FAM13A: variants seen among roughly 807,000 people sequenced by gnomAD.
The protein encoded by FAM13A is protein FAM13A.
Under a neutral mutation model 129.6 loss-of-function variants are expected in FAM13A, and 76 were observed. The observed-to-expected ratio is 0.59, with a 90% CI of 0.49 to 0.71. The LOEUF (loss-of-function observed/expected upper bound fraction) is 0.71. Among genes scored for constraint, FAM13A ranks in the 30% least tolerant of loss-of-function variants. The pLI is 0.00. For synonymous variants in FAM13A, 443 were observed against 449.9 expected, an observed-to-expected ratio of 0.98 and a Z score of 0.20; for missense variants, 1,108 against 1,249.3, an observed-to-expected ratio of 0.89 and a Z score of 1.70.
intron 4 of FAM13A, among the ~76,000 whole-genome samples, chr4:88,972,025 C>T (rs552016954): frequency 1.3e-5 from 2 of 152,154 alleles, no homozygotes; most frequent in East Asian, 1.9e-4. Flanking sequence ...GTCATTTATA[C>T]GTGAGCATAC....
intron 1 of FAM13A, among the ~76,000 whole-genome samples, chr4:89,038,214 A>G (rs1769649349): frequency 6.6e-6 from 1 of 152,344 alleles, no homozygotes; most frequent in South Asian, 2.1e-4. Flanking sequence ...ACTGAAATCA[A>G]TGGCCTGTAT....
chr4:88,809,880 TTC>T (rs1729322831), intron 7 of FAM13A, among the ~76,000 whole-genome samples: 1 of 151,644 alleles, frequency 6.6e-6, no homozygotes. Context: ...TTTTTTTTTT[TTC>T]CTGGAAAACA....
intron 4 of FAM13A, among the ~76,000 whole-genome samples, chr4:88,940,679 G>T (rs1211581356): frequency 6.6e-6 from 1 of 152,190 alleles, no homozygotes; most frequent in Non-Finnish European, 1.5e-5. Context: ...ATCAAAAGCT[G>T]GTTTTATGCA....
intron 14 of FAM13A, among the ~76,000 whole-genome samples, chr4:88,755,873 T>C (rs1743509977): frequency 6.6e-6 from 1 of 152,258 alleles, no homozygotes; most frequent in African/African-American, 2.4e-5. Context: ...GGTTTTGAAC[T>C]CCTGGGCTGA....
chr4:88,849,413 A>G (rs544040257), intron 7 of FAM13A, among the ~76,000 whole-genome samples: 3 of 152,130 alleles, frequency 2.0e-5, no homozygotes, highest in Admixed American at 6.5e-5. Context: ...GCTTCGTATT[A>G]CCTCTGGGAT....
chr4:89,048,422 C>T lies in FAM13A; in HGVS notation c.27+8516G>A, dbSNP rs373022127. ...ATATCAAATGTCCTGAAAAGGCAAA[C>T]GTATAGTGACATAAAGCAAATTAGT... On this transcript the variant is annotated intron_variant, in intron 1 of 23. Transcript: ENST00000264344. Among the ~76,000 whole-genome samples, 28 of 152,048 alleles carry T rather than the reference C, an allele frequency of 1.8e-4. No individual in the cohort carries two copies. The South Asian group carries it at 2.7e-3, about 15-fold the overall frequency.
intron 7 of FAM13A, among the ~76,000 whole-genome samples, chr4:88,808,348 G>C (rs988854131): frequency 1.3e-5 from 2 of 152,026 alleles, no homozygotes; most frequent in African/African-American, 4.8e-5. Flanking sequence ...GCACAAACCA[G>C]AATGCACATT....
intron 6 of FAM13A, among the ~76,000 whole-genome samples, chr4:88,874,117 C>T (rs888875811): frequency 7.2e-5 from 11 of 152,112 alleles, no homozygotes; most frequent in Admixed American, 1.3e-4. Context: ...TCTCAATAAA[C>T]TAGGTACTGA....
intron 7 of FAM13A, 29 bp downstream of exon 7, chr4:88,850,991 G>A (rs774555903): frequency 6.2e-7 from 1 of 1,609,080 alleles, no homozygotes; most frequent in Admixed American, 1.7e-5. Flanking sequence ...ATGCAATATG[G>A]ATTGTGTAGA....
chr4:88,765,059 C>G (rs1745477643), intron 13 of FAM13A, among the ~76,000 whole-genome samples: 1 of 152,206 alleles, frequency 6.6e-6, no homozygotes, highest in Non-Finnish European at 1.5e-5. Context: ...AGGCTGCAAG[C>G]TGATTATTTA....
chr4:88,816,705 A>T (rs1022929368), intron 7 of FAM13A, among the ~76,000 whole-genome samples: 13 of 152,192 alleles, frequency 8.5e-5, no homozygotes, highest in African/African-American at 2.7e-4. Flanking sequence ...TCCCAAATAC[A>T]TGCCATGATC....
chr4:88,823,404 G>T, intron 7 of FAM13A: 1 of 863,414 alleles, frequency 1.2e-6, no homozygotes, highest in Non-Finnish European at 1.4e-6. Flanking sequence ...CTCTCCTCCT[G>T]CTCCTGCTCC....
At chr4:89,034,218 C>T (rs2458545) in intron 1 of FAM13A, among the ~76,000 whole-genome samples, 91,299 of 151,984 alleles carry the variant, frequency 0.6, 28,080 homozygotes, top group Middle Eastern at 0.69. Flanking sequence ...CTATAAGGAA[C>T]TTACACCAGT....
intron 7 of FAM13A, among the ~76,000 whole-genome samples, chr4:88,821,122 C>T (rs929174867): frequency 6.6e-6 from 1 of 152,120 alleles, no homozygotes; most frequent in African/African-American, 2.4e-5. Context: ...AACAATTACA[C>T]GTAAGGGCGG....
intron 2 of FAM13A, among the ~76,000 whole-genome samples, chr4:89,027,469 C>T (rs1246765627): frequency 1.3e-5 from 2 of 151,206 alleles, no homozygotes; most frequent in African/African-American, 4.9e-5. Flanking sequence ...ATGATCACAT[C>T]ATGGCATTCC....
intron 7 of FAM13A, among the ~76,000 whole-genome samples, chr4:88,819,430 T>C (rs1271672248): frequency 6.6e-6 from 1 of 152,180 alleles, no homozygotes; most frequent in African/African-American, 2.4e-5. Flanking sequence ...AGTTGAGAGT[T>C]TTGTCATAGC....
intron 7 of FAM13A, among the ~76,000 whole-genome samples, chr4:88,809,312 T>C (rs760931466): frequency 2.0e-5 from 3 of 152,192 alleles, no homozygotes; most frequent in Non-Finnish European, 2.9e-5. Flanking sequence ...AACTTTCTAA[T>C]TGGTTAATGT....
chr4:88,932,086 G>C (rs1316067201), intron 5 of FAM13A, among the ~76,000 whole-genome samples: 1 of 152,198 alleles, frequency 6.6e-6, no homozygotes, highest in Admixed American at 6.5e-5. Flanking sequence ...TCCTGACACT[G>C]ACACTAAGTT....
intron 4 of FAM13A, among the ~76,000 whole-genome samples, chr4:88,949,955 C>A (rs905478623): frequency 7.2e-5 from 11 of 152,156 alleles, no homozygotes; most frequent in African/African-American, 2.4e-4. Context: ...ACCATGTCTA[C>A]ATAGTAATCA....
Sources: allele counts gnomAD v4.1 joint callset (sites outside exome capture counted in the v4.1 genomes callset), GRCh38; gene constraint gnomAD v4.1.1; transcripts MANE v1.5; gene names NCBI Gene and HGNC (gene_info 2026-07-23, HGNC 2026-07-21).